RBM19: variants seen among roughly 807,000 people sequenced by gnomAD.
RBM19 encodes RNA binding motif protein 19, also known as probable RNA-binding protein 19.
Under a neutral mutation model 116.8 loss-of-function variants are expected in RBM19, and 94 were observed. That is an observed-to-expected ratio of 0.80 (90% CI 0.68 to 0.95). The LOEUF (loss-of-function observed/expected upper bound fraction) is 0.95, where lower values mean the gene tolerates loss of function less well. Ranked by LOEUF, RBM19 falls within the 40% of genes least tolerant of loss-of-function variation. The pLI is 0.00. For missense variants in RBM19, 1,161 were observed against 1,220.7 expected (o/e 0.95, Z 0.73); for synonymous variants, 475 against 494.1 (o/e 0.96, Z 0.51).
rs753526123 is a variant in RBM19, at chr12:113,948,796, C to T, written c.1276+37G>A. ...AGAGTGAGAGCCCGGCTCCCATAGC[C>T]GCTGGGCTATCCACGGCCCGGAGGC... is the stretch of plus-strand genomic sequence containing the variant. On this transcript the variant is annotated intron_variant, in intron 10 of 23. Transcript: ENST00000261741. 2.4e-5 allele frequency: 38 copies of T among 1,607,014 alleles called. No individual in the cohort carries two copies. The Admixed American group carries it at 4.3e-4, about 18-fold the overall frequency.
intron 12 of RBM19, 42 bp from the exon 13 acceptor site, chr12:113,945,966 G>A (rs765749157): frequency 6.7e-7 from 1 of 1,490,742 alleles, no homozygotes; most frequent in Non-Finnish European, 9.3e-7. Flanking sequence ...ACCGCAGCTG[G>A]ATGAGGGGAA....
chr12:113,913,341 C>G (rs1026617858), intron 21 of RBM19, among the ~76,000 whole-genome samples: 21 of 152,036 alleles, frequency 1.4e-4, no homozygotes, highest in Non-Finnish European at 2.5e-4. Flanking sequence ...CCTGGAGGGA[C>G]GACTGATCAG....
intron 22 of RBM19, among the ~76,000 whole-genome samples, chr12:113,851,256 C>T (rs1877420935): frequency 1.3e-5 from 2 of 152,188 alleles, no homozygotes; most frequent in South Asian, 4.1e-4. Flanking sequence ...GTGATGCTGT[C>T]TGAACTCTTC....
rs1177651425 is a variant in RBM19, at chr12:113,825,634, G to C, written c.2786-2313C>G. Reference sequence around the variant, plus strand: ...GCCAGGCCTGGCCTGGGGTCTAAGGGATGGCCAGCGGTGGCGGCATGGGAC... The same window carrying C: ...GCCAGGCCTGGCCTGGGGTCTAAGGCATGGCCAGCGGTGGCGGCATGGGAC... On this transcript the variant is annotated intron_variant, in intron 23 of 23. Transcript: ENST00000261741. This position sits in a 1 kb window ranked among gnomAD's most constrained non-coding sequence, Gnocchi z 5.7. Among the ~76,000 whole-genome samples the C allele has an allele frequency of 6.6e-6, 1 of 152,212 alleles. No individual in the cohort carries two copies. The highest frequency in any genetic ancestry group is 1.5e-5 in the Non-Finnish European group (1 of 68,030).
chr12:113,928,417 T>TACACACACACAC (rs3066401), intron 16 of RBM19, among the ~76,000 whole-genome samples: 15,402 of 136,046 alleles, frequency 0.11, 1,070 homozygotes, highest in Middle Eastern at 0.19. Flanking sequence ...TACATGTGCA[T>TACACACACACAC]ACACACACAC....
At chr12:113,851,461 C>T (rs1390163678) in intron 22 of RBM19, among the ~76,000 whole-genome samples, 2 of 152,166 alleles carry the variant, frequency 1.3e-5, no homozygotes, top group Non-Finnish European at 2.9e-5. Flanking sequence ...GGAGAGAGGG[C>T]CAATGCCAGG....
chr12:113,849,249 G>A (rs1044911921), intron 22 of RBM19, among the ~76,000 whole-genome samples: 33 of 152,236 alleles, frequency 2.2e-4, no homozygotes, highest in Admixed American at 1.4e-3. Flanking sequence ...GAACCCTGGA[G>A]GGAAGGCGCT....
chr12:113,952,730 G>A lies in RBM19; in HGVS notation c.922-140C>T, dbSNP rs55869443. The A allele has an allele frequency of 1.3e-3, 801 of 615,064 alleles. 13 individuals carry two copies. In the African/African-American group the frequency reaches 0.014, roughly 11 times the overall value. The allele number at this position is 615,064 out of a possible 1,614,324, so 38.1% of individuals were successfully genotyped here. A position where few individuals can be genotyped will look rare whatever the true frequency, so the allele number is the denominator to read the frequency against. Reference sequence around the variant, plus strand: ...GTTTTTCTCTTTCCTTATACGTATCGCTTCTCCAATTACCTTGGAGAAAAT... The same window carrying A: ...GTTTTTCTCTTTCCTTATACGTATCACTTCTCCAATTACCTTGGAGAAAAT... On this transcript the variant is annotated intron_variant, in intron 7 of 23. Transcript: ENST00000261741.
intron 23 of RBM19, among the ~76,000 whole-genome samples, chr12:113,842,365 CG>C (rs1227492069): frequency 6.6e-6 from 1 of 152,232 alleles, no homozygotes; most frequent in African/African-American, 2.4e-5. Flanking sequence ...CATTTGCCGA[CG>C]GGCGCATTTG....
Position 113,959,989 on chromosome 12 carries a change from T to G in RBM19, c.339+70A>C. On this transcript the variant is annotated intron_variant, in intron 3 of 23. Transcript: ENST00000261741. Reference sequence around the variant, plus strand: ...CTGCACTGACCTGGGAGGGCCCATCTTTGGGAACCAAAAGTGAGTGACTAC... The same window carrying G: ...CTGCACTGACCTGGGAGGGCCCATCGTTGGGAACCAAAAGTGAGTGACTAC... 5 of 1,613,946 alleles carry G rather than the reference T, an allele frequency of 3.1e-6. No homozygotes were observed. The South Asian group carries it at 4.4e-5, about 14-fold the overall frequency.
intron 21 of RBM19, among the ~76,000 whole-genome samples, chr12:113,883,389 A>C (rs1880289664): frequency 1.3e-5 from 2 of 152,248 alleles, no homozygotes; most frequent in African/African-American, 4.8e-5. Context: ...GTCTGCTGGA[A>C]TTAACTGGCT....
In RBM19 at chr12:113,927,209, C is replaced by T. The variant is rs1265134546; in HGVS notation, c.2089G>A (p.Glu697Lys). The change falls in exon 17 of 24, where the codon GAA (glutamate) becomes AAA (lysine). Residue 697 changes from glutamate (E) to lysine (K), a missense_variant. By Grantham distance (56) the Glu-to-Lys change is moderately conservative (BLOSUM62 1). Coordinates refer to ENST00000261741, the MANE Select transcript of RBM19 (RefSeq NM_016196.4). ...CCTTCCTCTGTTGGATTTTCATCTT[C>T]TGGGGTTTCGCCATCAGGCACTGAA... Reference protein sequence around the residue: ...PETVPDGETPEDENPTEEGAD... With the variant: ...PETVPDGETPKDENPTEEGAD... 6.4e-7 allele frequency: 1 copy of T among 1,564,782 alleles called. No individual in the cohort carries two copies. Among genetic ancestry groups the T allele is most frequent in the East Asian group, 2.4e-5 (1 of 42,360 alleles).
chr12:113,886,807 C>T (rs1370706607), intron 21 of RBM19, among the ~76,000 whole-genome samples: 2 of 152,218 alleles, frequency 1.3e-5, no homozygotes, highest in Non-Finnish European at 2.9e-5. Context: ...TTAGTTCCAA[C>T]TTTAACACGA....
At chr12:113,940,812 C>G (rs975952873) in intron 14 of RBM19, among the ~76,000 whole-genome samples, 1 of 152,166 alleles carries the variant, frequency 6.6e-6, no homozygotes, top group Non-Finnish European at 1.5e-5. Context: ...CTGGGAGAAC[C>G]AAAACTAAAA....
chr12:113,940,390 C>T (rs181967058), intron 14 of RBM19, among the ~76,000 whole-genome samples: 2,026 of 146,188 alleles, frequency 0.014, 14 homozygotes, highest in South Asian at 0.023. Flanking sequence ...GAAGCTGGAG[C>T]TTCTGGATCA....
At chr12:113,917,356 C>T (rs540999104) in intron 20 of RBM19, among the ~76,000 whole-genome samples, 7 of 152,328 alleles carry the variant, frequency 4.6e-5, no homozygotes, top group African/African-American at 1.4e-4. Flanking sequence ...GGCAAAGTCA[C>T]CCATGCAAGG....
chr12:113,859,785 G>A (rs538362503), intron 21 of RBM19, among the ~76,000 whole-genome samples: 30 of 152,188 alleles, frequency 2.0e-4, no homozygotes, highest in African/African-American at 7.0e-4. Context: ...TAATGTGCAC[G>A]GCATCTGAAG....
intron 6 of RBM19, among the ~76,000 whole-genome samples, chr12:113,957,410 G>A (rs1014996538): frequency 1.3e-5 from 2 of 151,800 alleles, no homozygotes; most frequent in East Asian, 1.9e-4. Context: ...ACCCCATTTC[G>A]ACTAAAAATA....
chr12:113,836,225 A>G (rs983573960), intron 23 of RBM19, among the ~76,000 whole-genome samples: 5 of 151,924 alleles, frequency 3.3e-5, no homozygotes, highest in Admixed American at 1.3e-4. Context: ...GAAGGGAGGG[A>G]GGTGCGGGGC....
Sources: allele counts gnomAD v4.1 joint callset (sites outside exome capture counted in the v4.1 genomes callset), GRCh38; gene constraint gnomAD v4.1.1; non-coding constraint Gnocchi (gnomAD v3.1); transcripts MANE v1.5; gene names NCBI Gene and HGNC (gene_info 2026-07-23, HGNC 2026-07-21).